HYDIN: variants seen among roughly 807,000 people sequenced by gnomAD.
HYDIN encodes axonemal central pair apparatus protein HYDIN.
HYDIN carries 132 observed loss-of-function variants against 403.9 expected under a neutral mutation model. The ratio of observed to expected loss-of-function variants is 0.33; its 90% CI spans 0.28 to 0.38. HYDIN has a LOEUF of 0.38. Among genes scored for constraint, HYDIN ranks in the 10% least tolerant of loss-of-function variants. The probability of loss-of-function intolerance (pLI) is 1.00; values close to 1 mark genes in which losing one functional copy is unlikely to be tolerated. For missense variants in HYDIN, 2,827 were observed against 5,009.5 expected (o/e 0.56, Z 13.15); for synonymous variants, 1,202 against 1,891.7 (o/e 0.64, Z 9.46).
At chr16:70,858,951 T>TAA (rs61139354) in intron 71 of HYDIN, among the ~76,000 whole-genome samples, 1 of 137,440 alleles carries the variant, frequency 7.3e-6, no homozygotes, top group African/African-American at 2.7e-5. Flanking sequence ...TGGGAATTGT[T>TAA]AAAAAAAAAA....
At chr16:70,996,722 A>C (rs2144059952) in intron 23 of HYDIN, among the ~76,000 whole-genome samples, 1 of 150,524 alleles carries the variant, frequency 6.6e-6, no homozygotes, top group South Asian at 2.1e-4. Context: ...TTCATGGAGG[A>C]GGATATGGTC....
chr16:70,917,386 C>G (rs1299822045), intron 47 of HYDIN, among the ~76,000 whole-genome samples: 1 of 152,254 alleles, frequency 6.6e-6, no homozygotes, highest in Non-Finnish European at 1.5e-5. Flanking sequence ...GGGGTAGTCT[C>G]TATCCCCAAT....
chr16:70,977,137 A>T (rs2078911079), intron 30 of HYDIN, among the ~76,000 whole-genome samples: 1 of 150,986 alleles, frequency 6.6e-6, no homozygotes, highest in Non-Finnish European at 1.5e-5. Context: ...TGGGAACCCA[A>T]TAAGCAGGTG....
chr16:70,826,705 A>ATCTCTCTCTC (rs3043151), intron 83 of HYDIN, among the ~76,000 whole-genome samples: 18 of 129,026 alleles, frequency 1.4e-4, no homozygotes, highest in African/African-American at 2.9e-4. Flanking sequence ...TCTTGCCAGC[A>ATCTCTCTCTC]TCTCTCTCTC....
At chr16:70,833,831 A>C in intron 79 of HYDIN, 56 bp downstream of exon 79, 1 of 1,240,806 alleles carries the variant, frequency 8.1e-7, no homozygotes, top group Non-Finnish European at 1.1e-6. Context: ...TCCAGGGCAG[A>C]TACAGGGACA....
intron 50 of HYDIN, among the ~76,000 whole-genome samples, chr16:70,906,265 A>C (rs2076534244): frequency 6.6e-6 from 1 of 152,070 alleles, no homozygotes; most frequent in African/African-American, 2.4e-5. Flanking sequence ...TACTTTCCAC[A>C]AAAACTGTTT....
chr16:70,834,536 T>C (rs1468092229), intron 78 of HYDIN, among the ~76,000 whole-genome samples: 2 of 152,010 alleles, frequency 1.3e-5, no homozygotes, highest in East Asian at 1.9e-4. Context: ...TGCCTCAGTT[T>C]CCCTGTGTGG....
At chr16:71,036,726 C>T (rs1005205553) in intron 18 of HYDIN, among the ~76,000 whole-genome samples, 21 of 150,840 alleles carry the variant, frequency 1.4e-4, no homozygotes, top group African/African-American at 4.9e-4. Context: ...CAAAATATAT[C>T]ATAGAATGCA....
At chr16:70,973,221 T>C in intron 35 of HYDIN, 122 bp downstream of exon 35, 1 of 479,130 alleles carries the variant, frequency 2.1e-6, no homozygotes, top group Non-Finnish European at 3.7e-6. Context: ...AGATGCCATA[T>C]TCAGAAAAGC....
intron 21 of HYDIN, among the ~76,000 whole-genome samples, chr16:71,024,165 A>G (rs1037335157): frequency 4.6e-5 from 7 of 152,232 alleles, no homozygotes; most frequent in African/African-American, 1.7e-4. Flanking sequence ...CCCTTCCTGG[A>G]AGCCCTCCAA....
In HYDIN at chr16:70,943,967, G is replaced by A; in HGVS notation, c.6532-18C>T. ...GAGGAAATCTGTTGAGTGGGAGAAG[G>A]ATCAGGAGTCAGAATCTGGCCTTGT... On this transcript the variant is annotated intron_variant, in intron 41 of 85. Coordinates refer to ENST00000393567, the MANE Select transcript of HYDIN (RefSeq NM_001270974.2). 1 of 1,572,008 alleles carries A rather than the reference G, an allele frequency of 6.4e-7. No individual in the cohort carries two copies. The highest frequency in any genetic ancestry group is 8.7e-7 in the Non-Finnish European group (1 of 1,155,990).
At chr16:71,216,473 A>G (rs2088888541) in intron 1 of HYDIN, among the ~76,000 whole-genome samples, 2 of 152,206 alleles carry the variant, frequency 1.3e-5, no homozygotes, top group East Asian at 3.9e-4. Context: ...GAATGACTGT[A>G]AAGGTCAGGA....
At chr16:71,030,775 G>A (rs1297069201) in intron 19 of HYDIN, among the ~76,000 whole-genome samples, 3 of 152,272 alleles carry the variant, frequency 2.0e-5, no homozygotes, top group East Asian at 1.9e-4. Context: ...CTGCTCAGAG[G>A]TGTCTATACT....
rs1237809361 is a variant in HYDIN, at chr16:71,180,612, CAGATAGAT to C, written c.262-1573_262-1566del. On this transcript the variant is annotated intron_variant, in intron 3 of 85. Coordinates refer to ENST00000393567, the MANE Select transcript of HYDIN (RefSeq NM_001270974.2). ...CATTCATAAACCATAGACAGATAGA[CAGATAGAT>C]GAAAGAAAGAGAAAAAAAATTTGCA... Among the ~76,000 whole-genome samples, 3 of 104,632 alleles carry C rather than the reference CAGATAGAT, an allele frequency of 2.9e-5. No homozygotes were observed. In the Admixed American group the frequency reaches 3.1e-4, roughly 11 times the overall value. 68.6% of individuals were successfully genotyped at this position (104,632 alleles called of 152,430 possible).
chr16:71,133,956 G>A (rs909699369), intron 8 of HYDIN, among the ~76,000 whole-genome samples: 4 of 152,114 alleles, frequency 2.6e-5, no homozygotes, highest in Non-Finnish European at 5.9e-5. Flanking sequence ...GGGGAGGAAC[G>A]TCATTGCCCA....
At chr16:70,901,453 C>T (rs1356799831) in intron 52 of HYDIN, among the ~76,000 whole-genome samples, 1 of 151,436 alleles carries the variant, frequency 6.6e-6, no homozygotes, top group Admixed American at 6.6e-5. Flanking sequence ...GTCTGTTGCT[C>T]CCCATTTTGT....
intron 1 of HYDIN, among the ~76,000 whole-genome samples, chr16:71,191,296 A>T (rs898916153): frequency 6.6e-6 from 1 of 152,194 alleles, no homozygotes; most frequent in African/African-American, 2.4e-5. Context: ...GGATAACAGC[A>T]TTATGGGTCT....
At chr16:71,096,883 T>A (rs1395351165) in intron 10 of HYDIN, among the ~76,000 whole-genome samples, 1 of 101,734 alleles carries the variant, frequency 9.8e-6, no homozygotes, top group East Asian at 4.6e-4. Flanking sequence ...CACAAGAAGA[T>A]AACTCCCTCC....
intron 28 of HYDIN, among the ~76,000 whole-genome samples, chr16:70,982,658 T>A (rs2079081664): frequency 6.7e-6 from 1 of 148,216 alleles, no homozygotes; most frequent in Admixed American, 6.8e-5. Context: ...TAACAATATA[T>A]TTTACGATTA....
Sources: gnomAD v4.1 joint callset for allele counts (sites outside exome capture counted in the v4.1 genomes callset) on GRCh38, gnomAD v4.1.1 for gene constraint, MANE v1.5 for transcripts, NCBI Gene and HGNC (gene_info 2026-07-23, HGNC 2026-07-21) for gene names.